Variants in DST observed in about 807,000 individuals in gnomAD.
DST encodes bullous pemphigoid antigen.
A neutral mutation model predicts 875.2 loss-of-function variants in DST; 253 were observed. The observed-to-expected ratio is 0.29, with a 90% CI of 0.26 to 0.32. The LOEUF (loss-of-function observed/expected upper bound fraction) is 0.32. Among genes scored for constraint, DST ranks in the 10% least tolerant of loss-of-function variants. The probability of loss-of-function intolerance (pLI) is 1.00; values close to 1 mark genes in which losing one functional copy is unlikely to be tolerated. For synonymous variants in DST, 3,124 were observed against 3,197.1 expected (o/e 0.98, Z 0.77); for missense variants, 8,287 against 9,111.6 (o/e 0.91, Z 3.68).
At chr6:56,881,202 C>T (rs1392271530) in intron 3 of DST, among the ~76,000 whole-genome samples, 2 of 151,984 alleles carry the variant, frequency 1.3e-5, no homozygotes, top group Non-Finnish European at 2.9e-5. Context: ...AGGCCAGGCA[C>T]GGTGGCTCAC....
intron 10 of DST, among the ~76,000 whole-genome samples, chr6:56,654,064 A>G (rs890073165): frequency 2.6e-5 from 4 of 152,306 alleles, no homozygotes; most frequent in African/African-American, 9.6e-5. Context: ...CCATGTTCTC[A>G]TGTTATATTT....
Position 56,620,316 on chromosome 6 carries a change from T to G in DST, c.4929+4214A>C, listed in dbSNP as rs769025516. ...GTAAAGGTGTTTTCCTCCAACTGAT[T>G]GCGAAAATTCAGGAGGTTCTCTTCC... On this transcript the variant is annotated intron_variant, in intron 36 of 103. Transcript: ENST00000680361. 1.2e-6 allele frequency: 2 copies of G among 1,614,156 alleles called. No individual in the cohort carries two copies. Among genetic ancestry groups the G allele is most frequent in the East Asian group, 2.2e-5 (1 of 44,868 alleles).
At chr6:56,631,794 G>A in intron 29 of DST, 89 bp downstream of exon 29, 1 of 1,242,562 alleles carries the variant, frequency 8.0e-7, no homozygotes, top group Non-Finnish European at 1.2e-6. Flanking sequence ...GTGTGAGTGT[G>A]CAAAACTGAA....
intron 4 of DST, among the ~76,000 whole-genome samples, chr6:56,781,635 G>T (rs1003157455): frequency 6.6e-6 from 1 of 152,100 alleles, no homozygotes; most frequent in Non-Finnish European, 1.5e-5. Flanking sequence ...GAGACAATGG[G>T]GTTTTCTAGA....
intron 2 of DST, among the ~76,000 whole-genome samples, chr6:56,928,600 GAAAT>G (rs147355605): frequency 0.019 from 2,914 of 152,122 alleles, 88 homozygotes; most frequent in African/African-American, 0.066. Context: ...TTATACAAGA[GAAAT>G]AAATAAAATG....
intron 2 of DST, among the ~76,000 whole-genome samples, chr6:56,901,629 ATGTG>A (rs57308811): frequency 0.03 from 4,508 of 151,402 alleles, 192 homozygotes; most frequent in African/African-American, 0.1. Flanking sequence ...AAATATATAT[ATGTG>A]TGTGTGTGTA....
chr6:56,553,757 G>A, intron 60 of DST, 102 bp from the exon 61 acceptor site: 2 of 1,122,116 alleles, frequency 1.8e-6, no homozygotes, highest in East Asian at 2.6e-5. Context: ...TAGAATTGTT[G>A]AAAAGCAAGG....
At chr6:56,502,387 C>A (rs759244207) in intron 78 of DST, among the ~76,000 whole-genome samples, 6 of 152,080 alleles carry the variant, frequency 3.9e-5, no homozygotes, top group Non-Finnish European at 8.8e-5. Context: ...TTCAAAAATA[C>A]ATGAATAATA....
chr6:56,618,855 T>A lies in DST; in HGVS notation c.4930-4371A>T, dbSNP rs1295993788. On this transcript the variant is annotated intron_variant, in intron 36 of 103. Coordinates refer to ENST00000680361, the MANE Select transcript of DST (RefSeq NM_001374736.1). ...CTGTGGGTCATCTGCTCCTCTATGG[T>A]CTTTAAGTGTAATTCGTCTTGTACT... 19 of 1,614,076 alleles carry A rather than the reference T, an allele frequency of 1.2e-5. No homozygotes were observed. The highest frequency in any genetic ancestry group is 1.4e-5 in the Non-Finnish European group (17 of 1,180,052).
chr6:56,710,483 T>C (rs964687623), intron 5 of DST, among the ~76,000 whole-genome samples: 2 of 152,186 alleles, frequency 1.3e-5, no homozygotes, highest in Admixed American at 1.3e-4. Flanking sequence ...GTGAAAATTA[T>C]AAATTAAAAT....
intron 55 of DST, among the ~76,000 whole-genome samples, chr6:56,567,429 T>TAAAAAA (rs61119609): frequency 4.3e-4 from 45 of 104,834 alleles, no homozygotes; most frequent in African/African-American, 1.7e-3. Flanking sequence ...TTACCAAGAG[T>TAAAAAA]AAAAAAAAAA....
At chr6:56,497,772 G>A (rs2095970837) in intron 81 of DST, 84 bp downstream of exon 81, 2 of 1,245,000 alleles carry the variant, frequency 1.6e-6, no homozygotes, top group South Asian at 1.6e-5. Flanking sequence ...AAATTAAACA[G>A]GAGTCTGTGA....
At chr6:56,764,402 A>G (rs2099627343) in intron 4 of DST, among the ~76,000 whole-genome samples, 1 of 152,102 alleles carries the variant, frequency 6.6e-6, no homozygotes, top group South Asian at 2.1e-4. Context: ...CAATTTCTGG[A>G]GCCCCACGAC....
chr6:56,869,584 AGAG>A (rs1562237868), intron 3 of DST, among the ~76,000 whole-genome samples: 1 of 152,110 alleles, frequency 6.6e-6, no homozygotes, highest in African/African-American at 2.4e-5. Context: ...GTGGCTGGAC[AGAG>A]AAGAAAAAAA....
At chr6:56,909,962 A>G (rs1343576043) in intron 2 of DST, among the ~76,000 whole-genome samples, 3 of 152,102 alleles carry the variant, frequency 2.0e-5, no homozygotes, top group Non-Finnish European at 2.9e-5. Context: ...GTCAGCCGGG[A>G]AAAAAAATAA....
chr6:56,800,408 C>T (rs141310365), intron 4 of DST, among the ~76,000 whole-genome samples: 26 of 152,152 alleles, frequency 1.7e-4, no homozygotes, highest in Admixed American at 5.2e-4. Flanking sequence ...CCCAACTATA[C>T]AATCACTAAC....
At chr6:56,934,565 TATA>T (rs1216547210) in intron 2 of DST, among the ~76,000 whole-genome samples, 9 of 95,474 alleles carry the variant, frequency 9.4e-5, no homozygotes, top group African/African-American at 4.0e-4. Flanking sequence ...TTATATTATA[TATA>T]TATATATATA....
intron 4 of DST, among the ~76,000 whole-genome samples, chr6:56,740,960 G>T (rs1012460829): frequency 8.6e-5 from 13 of 151,922 alleles, no homozygotes; most frequent in African/African-American, 2.9e-4. Context: ...TTCCATATAA[G>T]TCACAAAATA....
intron 50 of DST, among the ~76,000 whole-genome samples, chr6:56,575,811 G>C (rs537090124): frequency 2.6e-4 from 39 of 152,238 alleles, no homozygotes; most frequent in African/African-American, 8.7e-4. Flanking sequence ...CTGACATAGA[G>C]CTCCTAAGAC....
Sources: allele counts gnomAD v4.1 joint callset (sites outside exome capture counted in the v4.1 genomes callset), GRCh38; gene constraint gnomAD v4.1.1; transcripts MANE v1.5; gene names NCBI Gene and HGNC (gene_info 2026-07-23, HGNC 2026-07-21).